The following ZNF69 variants were observed in gnomAD, a reference collection of about 807,000 sequenced individuals.
ZNF69 encodes ZNF3.
A neutral mutation model predicts 50.9 loss-of-function variants in ZNF69; 47 were observed. The ratio of observed to expected loss-of-function variants is 0.92; its 90% CI spans 0.73 to 1.18. The LOEUF (loss-of-function observed/expected upper bound fraction) is 1.18. Ranked by LOEUF, ZNF69 falls within the 50% of genes most tolerant of loss-of-function variation. The pLI, the probability that ZNF69 is intolerant of heterozygous loss-of-function variation, is 0.00. For missense variants in ZNF69, 717 were observed against 675.1 expected (o/e 1.06, Z -0.69); for synonymous variants, 216 against 223.1 (o/e 0.97, Z 0.29).
chr19:11,949,415 A>G, the ZNF69 span: 2 of 1,613,610 alleles, frequency 1.2e-6, no homozygotes, highest in African/African-American at 2.7e-5. Context: ...CTTCGAGTGC[A>G]TGGTAGGACT....
chr19:11,925,247 C>T, the ZNF69 span: 2 of 1,612,994 alleles, frequency 1.2e-6, no homozygotes, highest in African/African-American at 1.3e-5. Context: ...TAGAGAGGAC[C>T]CCGGTACATC....
the ZNF69 span, among the ~76,000 whole-genome samples, chr19:11,923,290 G>A: frequency 6.6e-5 from 10 of 152,316 alleles, no homozygotes; most frequent in East Asian, 1.2e-3. Flanking sequence ...CCTCATCGAT[G>A]ACTTCTTTGT....
chr19:11,938,010 A>C, the ZNF69 span, among the ~76,000 whole-genome samples: 2 of 152,084 alleles, frequency 1.3e-5, no homozygotes, highest in Admixed American at 6.6e-5. Context: ...ATGGAACACT[A>C]CTCATAAATG....
At chr19:11,978,456 G>A in the ZNF69 span, 1 of 1,614,144 alleles carries the variant, frequency 6.2e-7, no homozygotes, top group Non-Finnish European at 8.5e-7. Flanking sequence ...TAAAGAATGT[G>A]GAAAAACCTT....
downstream of ZNF69, among the ~76,000 whole-genome samples, chr19:11,918,653 C>T (rs111722189): frequency 7.2e-5 from 11 of 152,138 alleles, no homozygotes; most frequent in African/African-American, 2.4e-4. Flanking sequence ...AAGGGTGTCA[C>T]GGTTTTGCCC....
chr19:11,919,295 C>G (rs569271183), downstream of ZNF69, among the ~76,000 whole-genome samples: 18 of 152,284 alleles, frequency 1.2e-4, no homozygotes, highest in African/African-American at 4.1e-4. Flanking sequence ...AATCATACAG[C>G]TACCTCGATG....
the ZNF69 span, chr19:11,949,745 G>C: frequency 3.7e-6 from 6 of 1,613,846 alleles, no homozygotes; most frequent in South Asian, 2.2e-5. Flanking sequence ...AAAGCCTTCA[G>C]ATCTGCCTCA....
chr19:11,903,390 A>G (rs1432619128), intron 1 of ZNF69, among the ~76,000 whole-genome samples, 183 bp from the exon 2 acceptor site: 1 of 152,250 alleles, frequency 6.6e-6, no homozygotes, highest in African/African-American at 2.4e-5. Flanking sequence ...CCTGGGCAAT[A>G]AGAGTGAAAA....
chr19:11,979,533 A>G, the ZNF69 span: 1 of 1,603,844 alleles, frequency 6.2e-7, no homozygotes, highest in Non-Finnish European at 8.5e-7. Flanking sequence ...CACACTGCAG[A>G]GAAACCCTAT....
chr19:11,895,179 T>G (rs1196551844), intron 1 of ZNF69, among the ~76,000 whole-genome samples: 1 of 152,232 alleles, frequency 6.6e-6, no homozygotes, highest in Non-Finnish European at 1.5e-5. Flanking sequence ...CGTTGCATTT[T>G]TCACTAGAGC....
chr19:11,943,507 A>G, the ZNF69 span, among the ~76,000 whole-genome samples: 5 of 151,696 alleles, frequency 3.3e-5, no homozygotes, highest in Non-Finnish European at 7.4e-5. Context: ...TGTTTTAGCT[A>G]TTTTTTTTAC....
At chr19:11,950,241 A>G in the ZNF69 span, 3 of 1,610,128 alleles carry the variant, frequency 1.9e-6, no homozygotes, top group Non-Finnish European at 8.5e-7. Flanking sequence ...ATTGTGGGAA[A>G]GCATTCAGCT....
At chr19:11,973,276 A>C in the ZNF69 span, among the ~76,000 whole-genome samples, 1 of 152,148 alleles carries the variant, frequency 6.6e-6, no homozygotes, top group Non-Finnish European at 1.5e-5. Flanking sequence ...CCAGAATATC[A>C]CATATTTGGA....
chr19:11,949,686 T>C, the ZNF69 span: 2 of 1,613,360 alleles, frequency 1.2e-6, no homozygotes, highest in Admixed American at 3.3e-5. Context: ...TTCGATATCA[T>C]GAAAGGACTC....
chr19:11,905,579 TA>T lies in ZNF69; in HGVS notation c.1185del (p.Ala396ProfsTer61). The T allele has an allele frequency of 6.2e-7, 1 of 1,613,240 alleles. No individual in the cohort carries two copies. The highest frequency in any genetic ancestry group is 1.1e-5 in the South Asian group (1 of 91,036). On this transcript the variant is annotated frameshift_variant, in exon 4 of 4. Coordinates refer to ENST00000429654, the MANE Select transcript of ZNF69 (RefSeq NM_001364730.1). LOFTEE classifies it high-confidence loss of function. ...EKPYKCKQCG[K>X]AFIHSSSLRY... ...AACCCTATAAATGCAAGCAATGTGG[TA>T]AAGCCTTCATTCATTCCAGTTCCCT...
At chr19:11,956,699 T>C in the ZNF69 span, 1 of 392,484 alleles carries the variant, frequency 2.5e-6, no homozygotes, top group Non-Finnish European at 4.5e-6. Flanking sequence ...CTACTAAAAA[T>C]ACAAAAATTA....
At chr19:11,970,098 ATTC>A in the ZNF69 span, among the ~76,000 whole-genome samples, 1 of 152,170 alleles carries the variant, frequency 6.6e-6, no homozygotes, top group Non-Finnish European at 1.5e-5. Flanking sequence ...TACATAACCA[ATTC>A]TTGGGGTGCT....
intron 1 of ZNF69, among the ~76,000 whole-genome samples, chr19:11,899,892 G>C (rs1271921798): frequency 6.6e-6 from 1 of 152,166 alleles, no homozygotes; most frequent in Non-Finnish European, 1.5e-5. Context: ...GCATTTGGAA[G>C]TGTCAGTGTT....
At chr19:11,904,618 C>A (rs532420302) in intron 3 of ZNF69, 31 bp from the exon 4 acceptor site, 3 of 1,596,890 alleles carry the variant, frequency 1.9e-6, no homozygotes, top group Admixed American at 3.7e-5. Context: ...TATAAACAAA[C>A]CCTTTGTAAT....
Sources: allele counts gnomAD v4.1 joint callset (sites outside exome capture counted in the v4.1 genomes callset), GRCh38; gene constraint gnomAD v4.1.1; transcripts MANE v1.5; gene names NCBI Gene and HGNC (gene_info 2026-07-23, HGNC 2026-07-21).